SEPSECS: variants seen among roughly 807,000 people sequenced by gnomAD.
The protein encoded by SEPSECS is Sep (O-phosphoserine) tRNA:Sec (selenocysteine) tRNA synthase, also known as O-phosphoseryl-tRNA(Sec) selenium transferase.
SEPSECS carries 42 observed loss-of-function variants against 52.1 expected under a neutral mutation model. That is an observed-to-expected ratio of 0.81 (90% confidence interval 0.63 to 1.04). The LOEUF is 1.04. Ranked by LOEUF, SEPSECS falls within the 50% of genes least tolerant of loss-of-function variation. The pLI is 0.00. For missense variants in SEPSECS, 590 were observed against 610.6 expected (o/e 0.97, Z 0.36); for synonymous variants, 216 against 211.4 (o/e 1.02, Z -0.19).
chr4:25,125,737 G>A lies in SEPSECS; in HGVS notation c.1168C>T (p.Gln390Ter). 6.2e-7 allele frequency: 1 copy of A among 1,613,192 alleles called. No individual in the cohort carries two copies. Reference sequence around the variant, plus strand: ...CTGGTAAAAAGCATCGAGCCAAGCTGAGTGACAGCTTTGTCACGGTGTTCA... The same window carrying A: ...CTGGTAAAAAGCATCGAGCCAAGCTAAGTGACAGCTTTGTCACGGTGTTCA... Reference protein sequence around the residue: ...LDEHRDKAVTQLGSMLFTRQV... With the variant: ...LDEHRDKAVT The change falls in exon 10 of 11, where the codon CAG (glutamine) becomes TAG (stop). Residue 390 changes from glutamine to a stop codon, truncating the protein, a stop_gained. Coordinates refer to ENST00000382103, the MANE Select transcript of SEPSECS (RefSeq NM_016955.4). LOFTEE classifies it high-confidence loss of function.
At chr4:25,159,434 G>C (rs1287027696) in intron 1 of SEPSECS, 1 of 347,836 alleles carries the variant, frequency 2.9e-6, no homozygotes. Flanking sequence ...GTTACGACTG[G>C]GGCGGTGGGA....
In SEPSECS at chr4:25,141,320, G is replaced by C. The variant is rs554862239; in HGVS notation, c.1026+3454C>G. Among the ~76,000 whole-genome samples, 6 of 152,222 alleles carry C rather than the reference G, an allele frequency of 3.9e-5. No individual in the cohort carries two copies. In the South Asian group the frequency reaches 1.2e-3, roughly 32 times the overall value. Reference sequence around the variant, plus strand: ...ACTCACTGTCTTGCAATCTCATCTAGTCTCTTGGCCAATTAACTCCCAGAT... The same window carrying C: ...ACTCACTGTCTTGCAATCTCATCTACTCTCTTGGCCAATTAACTCCCAGAT... On this transcript the variant is annotated intron_variant, in intron 8 of 10. Coordinates refer to ENST00000382103, the MANE Select transcript of SEPSECS (RefSeq NM_016955.4).
chr4:25,149,366 T>A (rs1355258089), intron 6 of SEPSECS, among the ~76,000 whole-genome samples: 2 of 152,090 alleles, frequency 1.3e-5, no homozygotes, highest in African/African-American at 4.8e-5. Flanking sequence ...ACACCCAGCC[T>A]CTCTTAGTTT....
In SEPSECS at chr4:25,123,961, A is replaced by C. The variant is rs748768035; in HGVS notation, c.1476T>G (p.Leu492=). 1.2e-6 allele frequency: 2 copies of C among 1,613,616 alleles called. No homozygotes were observed. The highest frequency in any genetic ancestry group is 4.5e-5 in the East Asian group (2 of 44,872). ...AAGAAGCATCCTGGTATGTGTCAAG[A>C]AGTACATTATCTAGTTTTAAAGCCA... The part of the protein sequence containing the change: ...EEMALKLDNV[L]LDTYQDASS Residue 492 remains leucine, a synonymous_variant, in exon 11 of 11, where the codon CTT becomes CTG. Coordinates refer to ENST00000382103, the MANE Select transcript of SEPSECS (RefSeq NM_016955.4).
rs756050406 is a variant in SEPSECS, at chr4:25,160,326, G to A, written c.44C>T (p.Pro15Leu). 10 of 1,548,706 alleles carry A rather than the reference G, an allele frequency of 6.5e-6. No homozygotes were observed. Among genetic ancestry groups the A allele is most frequent in the Non-Finnish European group, 1.7e-6 (2 of 1,145,972 alleles). Residue 15 changes from proline to leucine, a missense_variant, in exon 1 of 11, where the codon CCG becomes CTG. Transcript: ENST00000382103. Reference protein sequence around the residue: ...SFAAGERLVSPAYVRQGCEAR... With the variant: ...SFAAGERLVSLAYVRQGCEAR... The stretch of plus-strand genomic sequence containing the variant: ...CTCACAGCCCTGCCGCACGTAAGCC[G>A]GCGACACCAGCCGCTCTCCCGCCGC...
chr4:25,153,935 A>G (rs982174835), intron 5 of SEPSECS, among the ~76,000 whole-genome samples: 2 of 152,144 alleles, frequency 1.3e-5, no homozygotes, highest in Admixed American at 1.3e-4. Context: ...AAACGAAAGC[A>G]AAGTATCCAC....
At chr4:25,155,388 G>A (rs1011115112) in intron 4 of SEPSECS, among the ~76,000 whole-genome samples, 3 of 152,132 alleles carry the variant, frequency 2.0e-5, no homozygotes, top group Non-Finnish European at 4.4e-5. Context: ...ACTTGGATAT[G>A]ACAAGAATGA....
In SEPSECS at chr4:25,123,757, A is replaced by C; in HGVS notation, c.*174T>G. On this transcript the variant is annotated 3_prime_UTR_variant, in exon 11 of 11. Coordinates refer to ENST00000382103, the MANE Select transcript of SEPSECS (RefSeq NM_016955.4). Reference sequence around the variant, plus strand: ...AGGATCACAAGGATTGATGCAGTCTAAGAATGGGAAACTTAACAATCATCA... The same window carrying C: ...AGGATCACAAGGATTGATGCAGTCTCAGAATGGGAAACTTAACAATCATCA... 1 of 615,652 alleles carries C rather than the reference A, an allele frequency of 1.6e-6. No homozygotes were observed. The highest frequency in any genetic ancestry group is 2.9e-6 in the Non-Finnish European group (1 of 345,504). 38.1% of individuals were successfully genotyped at this position (615,652 alleles called of 1,614,324 possible). A position where few individuals can be genotyped will look rare whatever the true frequency, so the allele number is the denominator to read the frequency against.
rs910346781 is a variant in SEPSECS at position 25,140,104 on chromosome 4, C to T, written c.1026+4670G>A. 5.3e-5 allele frequency among the ~76,000 whole-genome samples: 8 copies of T among 152,332 alleles called. No individual in the cohort carries two copies. In the East Asian group the frequency reaches 1.5e-3, roughly 29 times the overall value. On this transcript the variant is annotated intron_variant, in intron 8 of 10. Coordinates refer to ENST00000382103, the MANE Select transcript of SEPSECS (RefSeq NM_016955.4). Reference sequence around the variant, plus strand: ...CTATCTGCAAAGCAAGAGGTCCTGTCTCTAAAGGATCAATCAAATCTACTG... The same window carrying T: ...CTATCTGCAAAGCAAGAGGTCCTGTTTCTAAAGGATCAATCAAATCTACTG...
At chr4:25,129,369 TCCC>T (rs779120201) in intron 8 of SEPSECS, among the ~76,000 whole-genome samples, 1 of 151,996 alleles carries the variant, frequency 6.6e-6, no homozygotes, top group Non-Finnish European at 1.5e-5. Flanking sequence ...ACGCCTGTAA[TCCC>T]AGCATTTTTG....
At chr4:25,150,165 T>C (rs989906740) in intron 6 of SEPSECS, among the ~76,000 whole-genome samples, 2 of 152,220 alleles carry the variant, frequency 1.3e-5, no homozygotes, top group African/African-American at 4.8e-5. Flanking sequence ...AAAAATGTAC[T>C]AGATAGTATC....
intron 5 of SEPSECS, among the ~76,000 whole-genome samples, chr4:25,154,113 A>G (rs1351057552): frequency 6.6e-6 from 1 of 152,178 alleles, no homozygotes; most frequent in Non-Finnish European, 1.5e-5. Context: ...ACCACAAAGC[A>G]TATGAAAAGT....
Position 25,156,989 on chromosome 4 carries a change from G to A in SEPSECS, c.270-15C>T, listed in dbSNP as rs772800340. On this transcript the variant is annotated splice_polypyrimidine_tract_variant and intron_variant, in intron 2 of 10. Transcript: ENST00000382103. The stretch of plus-strand genomic sequence containing the variant: ...CATGAATGAACCTAAGCAAAAAATG[G>A]GCCAAAAACTGGACAAATACATTCA... 1 of 1,379,492 alleles carries A rather than the reference G, an allele frequency of 7.2e-7. No individual in the cohort carries two copies. The highest frequency in any genetic ancestry group is 1.8e-4 in the Middle Eastern group (1 of 5,602). The allele number at this position is 1,379,492 out of a possible 1,614,324, so 85.5% of individuals were successfully genotyped here. A position where few individuals can be genotyped will look rare whatever the true frequency, so the allele number is the denominator to read the frequency against.
chr4:25,127,889 C>A (rs1728446936), intron 8 of SEPSECS, among the ~76,000 whole-genome samples: 1 of 152,144 alleles, frequency 6.6e-6, no homozygotes, highest in Admixed American at 6.5e-5. Context: ...CTATCATTTC[C>A]CCTAGTCACT....
intron 8 of SEPSECS, among the ~76,000 whole-genome samples, chr4:25,132,673 C>G (rs2109009284): frequency 6.6e-6 from 1 of 152,298 alleles, no homozygotes; most frequent in South Asian, 2.1e-4. Flanking sequence ...GAGATATTCT[C>G]TCTTATAAAT....
At chr4:25,159,397 C>T in intron 1 of SEPSECS, 1 of 391,538 alleles carries the variant, frequency 2.6e-6, no homozygotes, top group Non-Finnish European at 4.6e-6. Flanking sequence ...ACAACACATC[C>T]CCAGTGAAGA....
chr4:25,134,742 G>A (rs972977868), intron 8 of SEPSECS, among the ~76,000 whole-genome samples: 10 of 151,970 alleles, frequency 6.6e-5, no homozygotes, highest in East Asian at 1.9e-4. Context: ...TTATGGTTTC[G>A]AAGTCAAGAA....
chr4:25,131,662 G>C (rs893944307), intron 8 of SEPSECS, among the ~76,000 whole-genome samples: 1 of 152,228 alleles, frequency 6.6e-6, no homozygotes, highest in Non-Finnish European at 1.5e-5. Flanking sequence ...TGCAAATCTA[G>C]TAGTGTTTTC....
chr4:25,157,539 CTTTTTTT>C (rs143797424), intron 2 of SEPSECS, among the ~76,000 whole-genome samples: 1 of 137,200 alleles, frequency 7.3e-6, no homozygotes, highest in East Asian at 2.1e-4. Flanking sequence ...ATTAAATTAT[CTTTTTTT>C]TTTTTTTTTT....
Sources: allele counts gnomAD v4.1 joint callset (sites outside exome capture counted in the v4.1 genomes callset), GRCh38; gene constraint gnomAD v4.1.1; transcripts MANE v1.5; gene names NCBI Gene and HGNC (gene_info 2026-07-23, HGNC 2026-07-21).